GFRA1: variants seen among roughly 807,000 people sequenced by gnomAD.
GFRA1 encodes GDNF family receptor alpha 1, also known as GDNF family receptor alpha-1.
A neutral mutation model predicts 51.6 loss-of-function variants in GFRA1; 16 were observed. The observed-to-expected ratio is 0.31, with a 90% CI of 0.21 to 0.47. GFRA1 has a LOEUF of 0.47. Among genes scored for constraint, GFRA1 ranks in the 20% least tolerant of loss-of-function variants. GFRA1 has a pLI of 1.00. For synonymous variants in GFRA1, 270 were observed against 241.3 expected (o/e 1.12, Z -1.10); for missense variants, 530 against 594.3 (o/e 0.89, Z 1.13).
At chr10:116,098,876 T>C (rs371700545) in intron 6 of GFRA1, among the ~76,000 whole-genome samples, 55 of 152,254 alleles carry the variant, frequency 3.6e-4, no homozygotes, top group Middle Eastern at 6.8e-3. Context: ...ATAGCCCCGA[T>C]TGGGAGGATA....
intron 6 of GFRA1, among the ~76,000 whole-genome samples, chr10:116,114,430 A>G (rs1957331418): frequency 6.6e-6 from 1 of 152,186 alleles, no homozygotes; most frequent in Non-Finnish European, 1.5e-5. Flanking sequence ...CGTTTTCCCT[A>G]ATGGTACAAA....
At chr10:116,134,266 C>T (rs1222610701) in intron 5 of GFRA1, among the ~76,000 whole-genome samples, 1 of 152,206 alleles carries the variant, frequency 6.6e-6, no homozygotes, top group East Asian at 1.9e-4. Context: ...CTTGTTTCCT[C>T]TTTTTCTTTC....
intron 4 of GFRA1, among the ~76,000 whole-genome samples, chr10:116,256,963 GCGAGAGAGCAGAAGTC>G (rs879943455): frequency 0.35 from 53,444 of 151,798 alleles, 9,528 homozygotes; most frequent in Non-Finnish European, 0.4. Context: ...CTGCTCCCAA[GCGAGAGAGCAGAAGTC>G]CACCCTGAGC....
chr10:116,095,257 T>TA (rs1956522723), intron 7 of GFRA1, among the ~76,000 whole-genome samples: 1 of 152,226 alleles, frequency 6.6e-6, no homozygotes, highest in African/African-American at 2.4e-5. Context: ...GTGAACCAAA[T>TA]ACTTGCTGTG....
At chr10:116,254,938 A>G (rs1184490603) in intron 4 of GFRA1, among the ~76,000 whole-genome samples, 1 of 152,148 alleles carries the variant, frequency 6.6e-6, no homozygotes. Context: ...AACCCAGACA[A>G]AGAAGACTGA....
chr10:116,174,149 A>G (rs1219728683), intron 5 of GFRA1, among the ~76,000 whole-genome samples: 3 of 151,582 alleles, frequency 2.0e-5, no homozygotes, highest in African/African-American at 7.3e-5. Flanking sequence ...CCTTCTCAAA[A>G]AAAAAAAAAA....
chr10:116,074,231 C>T (rs187183385), intron 9 of GFRA1, among the ~76,000 whole-genome samples: 26 of 152,234 alleles, frequency 1.7e-4, no homozygotes, highest in African/African-American at 5.5e-4. Context: ...GAAGAGGCTG[C>T]GCTGAGATTT....
chr10:116,239,034 C>T (rs766856266), intron 4 of GFRA1, among the ~76,000 whole-genome samples: 7 of 152,166 alleles, frequency 4.6e-5, no homozygotes, highest in Non-Finnish European at 1.0e-4. Flanking sequence ...ATATTGGAAG[C>T]AAATAGGAAC....
intron 4 of GFRA1, among the ~76,000 whole-genome samples, chr10:116,223,085 G>A (rs182031373): frequency 2.5e-4 from 38 of 152,156 alleles, no homozygotes; most frequent in African/African-American, 8.9e-4. Flanking sequence ...TGGATACTGA[G>A]GAATGACTAT....
intron 9 of GFRA1, among the ~76,000 whole-genome samples, chr10:116,075,345 G>A (rs552140764): frequency 3.9e-5 from 6 of 152,270 alleles, no homozygotes; most frequent in South Asian, 4.1e-4. Context: ...AAAGGTCACC[G>A]GATGCCGCCT....
At chr10:116,264,839 G>A (rs10787639) in intron 4 of GFRA1, among the ~76,000 whole-genome samples, 56,804 of 151,936 alleles carry the variant, frequency 0.37, 10,593 homozygotes, top group Non-Finnish European at 0.4. Flanking sequence ...GAAACGAATG[G>A]GGGTTCTCAA....
intron 4 of GFRA1, among the ~76,000 whole-genome samples, chr10:116,238,808 T>A (rs1487413383): frequency 6.6e-6 from 1 of 152,256 alleles, no homozygotes; most frequent in Admixed American, 6.5e-5. Context: ...AATGGTCATT[T>A]TTTTTAAATG....
chr10:116,193,930 T>C (rs914916872), intron 5 of GFRA1, among the ~76,000 whole-genome samples: 2 of 151,756 alleles, frequency 1.3e-5, no homozygotes, highest in Admixed American at 6.6e-5. Flanking sequence ...TCCCAGCTAC[T>C]CCGGAGACTG....
chr10:116,258,162 G>A lies in GFRA1; in HGVS notation c.418+11341C>T, dbSNP rs1470013988. On this transcript the variant is annotated intron_variant, in intron 4 of 10. Transcript: ENST00000355422. ...TAAAGCAAAAAAGGGAATTCTTAGAGGACAATTCCTATTTACCTCTGAATC... is the reference window on the plus strand; with the variant it reads ...TAAAGCAAAAAAGGGAATTCTTAGAAGACAATTCCTATTTACCTCTGAATC... 2.0e-5 allele frequency among the ~76,000 whole-genome samples: 3 copies of A among 151,950 alleles called. No individual in the cohort carries two copies. In the South Asian group the frequency reaches 6.2e-4, roughly 31 times the overall value.
intron 5 of GFRA1, among the ~76,000 whole-genome samples, chr10:116,158,547 G>C (rs1285770456): frequency 6.6e-6 from 1 of 152,192 alleles, no homozygotes; most frequent in Non-Finnish European, 1.5e-5. Context: ...CAGGAGGAGG[G>C]GGAAGGCCGT....
chr10:116,161,431 T>C (rs1025972460), intron 5 of GFRA1, among the ~76,000 whole-genome samples: 4 of 152,164 alleles, frequency 2.6e-5, no homozygotes, highest in African/African-American at 4.8e-5. Flanking sequence ...AAAAAGAGCA[T>C]GGGAAGCTTC....
At chr10:116,160,636 C>T (rs1451510519) in intron 5 of GFRA1, among the ~76,000 whole-genome samples, 1 of 152,186 alleles carries the variant, frequency 6.6e-6, no homozygotes, top group African/African-American at 2.4e-5. Flanking sequence ...CAAAGGCATA[C>T]AATTATCTGC....
chr10:116,274,537 A>T (rs1461227511), upstream of GFRA1, among the ~76,000 whole-genome samples: 1 of 152,150 alleles, frequency 6.6e-6, no homozygotes, highest in Non-Finnish European at 1.5e-5. Flanking sequence ...ATTCAACCAC[A>T]CATCAGCCAG....
chr10:116,126,787 T>C (rs1224934806), intron 5 of GFRA1, among the ~76,000 whole-genome samples: 1 of 152,132 alleles, frequency 6.6e-6, no homozygotes, highest in Admixed American at 6.5e-5. Flanking sequence ...CAGGAAGGCA[T>C]TTAGGAAATG....
Sources: gnomAD v4.1 joint callset for allele counts (sites outside exome capture counted in the v4.1 genomes callset) on GRCh38, gnomAD v4.1.1 for gene constraint, MANE v1.5 for transcripts, NCBI Gene and HGNC (gene_info 2026-07-23, HGNC 2026-07-21) for gene names.